Variants in STEAP1B observed in about 807,000 individuals in gnomAD.
The protein encoded by STEAP1B is STEAP family protein MGC87042.
A neutral mutation model predicts 27.9 loss-of-function variants in STEAP1B; 13 were observed. The observed-to-expected ratio is 0.47, with a 90% CI of 0.30 to 0.74. The LOEUF (loss-of-function observed/expected upper bound fraction) is 0.74. Among genes scored for constraint, STEAP1B ranks in the 30% least tolerant of loss-of-function variants. The pLI, the probability that STEAP1B is intolerant of heterozygous loss-of-function variation, is 0.06. For synonymous variants in STEAP1B, 86 were observed against 107.1 expected, an observed-to-expected ratio of 0.80 and a Z score of 1.22; for missense variants, 250 against 298.7, an observed-to-expected ratio of 0.84 and a Z score of 1.20.
chr7:22,459,501 T>C (rs1358354543), intron 4 of STEAP1B, among the ~76,000 whole-genome samples: 1 of 152,226 alleles, frequency 6.6e-6, no homozygotes, highest in Non-Finnish European at 1.5e-5. Context: ...ACCTGAGTAA[T>C]GATGTCTAAA....
chr7:22,496,126 T>C (rs949539507), intron 1 of STEAP1B, among the ~76,000 whole-genome samples: 17 of 151,932 alleles, frequency 1.1e-4, no homozygotes, highest in Non-Finnish European at 2.5e-4. Context: ...ATCCTGACCC[T>C]GGGTAGGCCT....
At chr7:22,485,758 T>A (rs141491770) in intron 4 of STEAP1B, among the ~76,000 whole-genome samples, 1 of 152,178 alleles carries the variant, frequency 6.6e-6, no homozygotes, top group African/African-American at 2.4e-5. Context: ...AATTCCACCA[T>A]GAGAAATTCC....
At chr7:22,477,650 A>G (rs747964193) in intron 4 of STEAP1B, among the ~76,000 whole-genome samples, 3 of 152,168 alleles carry the variant, frequency 2.0e-5, no homozygotes, top group Non-Finnish European at 4.4e-5. Context: ...TTTTTAATGG[A>G]TCCTCACTTG....
At chr7:22,429,246 G>A (rs1785148102) in intron 4 of STEAP1B, among the ~76,000 whole-genome samples, 1 of 152,154 alleles carries the variant, frequency 6.6e-6, no homozygotes, top group African/African-American at 2.4e-5. Context: ...AAGAGACAAA[G>A]TTTGTAAGAG....
At chr7:22,431,636 C>T (rs772110243) in intron 4 of STEAP1B, among the ~76,000 whole-genome samples, 2 of 152,224 alleles carry the variant, frequency 1.3e-5, no homozygotes, top group Non-Finnish European at 2.9e-5. Flanking sequence ...AAGAAGCTAA[C>T]TCTTCAGAAT....
At chr7:22,479,679 C>CTTTTTTT (rs569050091) in intron 4 of STEAP1B, among the ~76,000 whole-genome samples, 12 of 92,116 alleles carry the variant, frequency 1.3e-4, no homozygotes, top group African/African-American at 2.8e-4. Context: ...TCATGTGTGG[C>CTTTTTTT]TTTTTTTTTT....
At chr7:22,488,299 G>A (rs1043478050) in intron 4 of STEAP1B, among the ~76,000 whole-genome samples, 6 of 152,136 alleles carry the variant, frequency 3.9e-5, no homozygotes, top group South Asian at 2.1e-4. Flanking sequence ...GATTTCCTGC[G>A]GGAGCCCTGC....
chr7:22,453,262 G>T (rs1412715095), intron 4 of STEAP1B, among the ~76,000 whole-genome samples: 3 of 152,176 alleles, frequency 2.0e-5, no homozygotes, highest in Non-Finnish European at 2.9e-5. Context: ...CTTCTGAAAG[G>T]TCTCATGATG....
At chr7:22,494,410 G>A (rs1375675142) in intron 2 of STEAP1B, among the ~76,000 whole-genome samples, 2 of 148,906 alleles carry the variant, frequency 1.3e-5, no homozygotes, top group Admixed American at 1.3e-4. Context: ...CAAAATTACT[G>A]TTATATGGGC....
chr7:22,446,981 G>A (rs1459538729), intron 4 of STEAP1B, among the ~76,000 whole-genome samples: 1 of 152,126 alleles, frequency 6.6e-6, no homozygotes, highest in Non-Finnish European at 1.5e-5. Context: ...ATTTTTATAG[G>A]AATATAGCTT....
At chr7:22,481,679 G>A (rs990194271) in intron 4 of STEAP1B, among the ~76,000 whole-genome samples, 1 of 152,198 alleles carries the variant, frequency 6.6e-6, no homozygotes, top group Admixed American at 6.5e-5. Context: ...CAAGACTCAC[G>A]TAACGGTCTA....
chr7:22,432,654 C>G (rs1011219445), intron 4 of STEAP1B, among the ~76,000 whole-genome samples: 1 of 152,170 alleles, frequency 6.6e-6, no homozygotes, highest in Admixed American at 6.5e-5. Context: ...AATGGACAGT[C>G]TTCATTCTAC....
intron 4 of STEAP1B, among the ~76,000 whole-genome samples, chr7:22,445,545 G>GGGTCC (rs1785396904): frequency 6.6e-6 from 1 of 152,272 alleles, no homozygotes; most frequent in South Asian, 2.1e-4. Flanking sequence ...CACAGCTGAG[G>GGGTCC]GGCGGAGGCC....
chr7:22,444,667 T>G (rs1380028899), intron 4 of STEAP1B, among the ~76,000 whole-genome samples: 1 of 152,194 alleles, frequency 6.6e-6, no homozygotes, highest in African/African-American at 2.4e-5. Context: ...TTGCAGGAAT[T>G]TCATCTGTCA....
At chr7:22,449,992 AT>A (rs1253755428) in intron 4 of STEAP1B, among the ~76,000 whole-genome samples, 1 of 152,072 alleles carries the variant, frequency 6.6e-6, no homozygotes, top group East Asian at 1.9e-4. Flanking sequence ...ATTGGATTAG[AT>A]TTTTTTCCTA....
chr7:22,436,180 AT>A (rs1785251926), intron 4 of STEAP1B, among the ~76,000 whole-genome samples: 3 of 149,414 alleles, frequency 2.0e-5, no homozygotes, highest in Middle Eastern at 3.4e-3. Context: ...CAGAGAAATC[AT>A]TTTTTTCCAC....
chr7:22,423,356 C>T (rs1256575033), intron 4 of STEAP1B, among the ~76,000 whole-genome samples: 1 of 152,140 alleles, frequency 6.6e-6, no homozygotes, highest in East Asian at 1.9e-4. Flanking sequence ...TCAAAAGGTG[C>T]AAACAACCCA....
chr7:22,477,006 G>C (rs571035972), intron 4 of STEAP1B, among the ~76,000 whole-genome samples: 7 of 152,148 alleles, frequency 4.6e-5, no homozygotes, highest in Admixed American at 6.5e-5. Context: ...CCCCAACATG[G>C]CACTTTCTTC....
chr7:22,442,209 C>T (rs1464198397), intron 4 of STEAP1B, among the ~76,000 whole-genome samples: 1 of 152,250 alleles, frequency 6.6e-6, no homozygotes, highest in Non-Finnish European at 1.5e-5. Flanking sequence ...GTGCCTACCA[C>T]ACAGCTTCAT....
Sources: gnomAD v4.1 joint callset for allele counts (sites outside exome capture counted in the v4.1 genomes callset) on GRCh38, gnomAD v4.1.1 for gene constraint, MANE v1.5 for transcripts, NCBI Gene and HGNC (gene_info 2026-07-23, HGNC 2026-07-21) for gene names.